The following FLII variants were observed in gnomAD, a reference collection of about 807,000 sequenced individuals.
FLII encodes protein flightless-1 homolog.
A neutral mutation model predicts 156.2 loss-of-function variants in FLII; 101 were observed. That is an observed-to-expected ratio of 0.65 (90% CI 0.55 to 0.76). FLII has a LOEUF of 0.76. Ranked by LOEUF, FLII falls within the 30% of genes least tolerant of loss-of-function variation. FLII has a pLI of 0.00. For synonymous variants in FLII, 767 were observed against 685.8 expected, an observed-to-expected ratio of 1.12 and a Z score of -1.85; for missense variants, 1,675 against 1,682.8, an observed-to-expected ratio of 1.00 and a Z score of 0.08.
rs1272662261 is a variant in FLII, at chr17:18,247,017, T to C, written c.2712A>G (p.Leu904=). 6.2e-7 allele frequency: 1 copy of C among 1,613,870 alleles called. No individual in the cohort carries two copies. Among genetic ancestry groups the C allele is most frequent in the African/African-American group, 1.3e-5 (1 of 75,022 alleles). The change falls in exon 22 of 30, where the codon CTA becomes CTG. Residue 904 remains leucine (L), a synonymous_variant. Transcript: ENST00000327031. ...EQLMEEWNED[L]DGMEGFVLEG... is the part of the protein sequence containing the mutation. ...CCAGCACGAAACCCTCCATGCCGTC[T>C]AGGTCTTCGTTCCACTCCTCCATCA...
intron 6 of FLII, 150 bp downstream of exon 6, chr17:18,254,371 A>G (rs2048354966): frequency 3.6e-6 from 3 of 844,298 alleles, no homozygotes; most frequent in Non-Finnish European, 5.4e-6. Context: ...GGTGGACATG[A>G]TACTTAGGAG....
Position 18,245,846 on chromosome 17 carries a change from A to G in FLII, c.3401T>C (p.Ile1134Thr), listed in dbSNP as rs763092660. The G allele has an allele frequency of 6.2e-7, 1 of 1,613,706 alleles. No individual in the cohort carries two copies. The highest frequency in any genetic ancestry group is 8.5e-7 in the Non-Finnish European group (1 of 1,179,910). ...GTTCTCAGGCTCCTCACCTTCGTTG[A>G]TAACCTGCGGGAAAGGCCAGTCCAG... The part of the protein sequence containing the change: ...MFDTSYSKQV[I>T]NEGEEPENFF... The change falls in exon 27 of 30, where the codon ATC becomes ACC. Residue 1134 changes from isoleucine to threonine, a missense_variant. Transcript: ENST00000327031.
chr17:18,248,747 G>A (rs760752099), intron 17 of FLII, 26 bp from the exon 18 acceptor site: 7 of 1,614,006 alleles, frequency 4.3e-6, no homozygotes, highest in Non-Finnish European at 5.9e-6. Flanking sequence ...AAAGTCATCA[G>A]CGAGGCTCAC....
At chr17:18,253,885 G>C in intron 7 of FLII, 166 bp from the exon 8 acceptor site, 2 of 805,516 alleles carry the variant, frequency 2.5e-6, no homozygotes, top group Non-Finnish European at 1.9e-6. Context: ...CCTCACATGG[G>C]GGTTGCGGGG....
At chr17:18,255,000 G>A in intron 4 of FLII, 146 bp from the exon 5 acceptor site, 4 of 948,488 alleles carry the variant, frequency 4.2e-6, no homozygotes, top group Non-Finnish European at 6.9e-6. Flanking sequence ...AGGGACTTGG[G>A]AGGAAGAGTG....
Position 18,248,849 on chromosome 17 carries a change from A to C in FLII, c.1969T>G (p.Tyr657Asp), listed in dbSNP as rs964066307. The change falls in exon 17 of 30, where the codon TAC becomes GAC. Residue 657 changes from tyrosine to aspartate, a missense_variant. Coordinates refer to ENST00000327031, the MANE Select transcript of FLII (RefSeq NM_002018.4). ...VFLLDRGLDI[Y>D]VWRGAQATLS... Reference sequence around the variant, plus strand: ...GTGGCCTGGGCCCCCCGCCATACGTAGATGTCTAGCCCTCGGTCCAGCAGG... The same window carrying C: ...GTGGCCTGGGCCCCCCGCCATACGTCGATGTCTAGCCCTCGGTCCAGCAGG... The C allele has an allele frequency of 2.5e-6, 4 of 1,613,812 alleles. No individual in the cohort carries two copies. Among genetic ancestry groups the C allele is most frequent in the Non-Finnish European group, 2.5e-6 (3 of 1,179,942 alleles).
At position 18,246,045 on chromosome 17, in the gene FLII, C is replaced by G. The variant is rs771275856; in HGVS notation, c.3285G>C (p.Glu1095Asp). Residue 1095 changes from glutamate to aspartate, a missense_variant, in exon 26 of 30, where the codon GAG becomes GAC. Glu to Asp is a conservative substitution (Grantham distance 45). Coordinates refer to ENST00000327031, the MANE Select transcript of FLII (RefSeq NM_002018.4). ...AGGCATACACGATGCCCTGGTTGTC[C>G]TCACTCTCAAAGGGAACCTGGGGAG... ...CFILKVPFESEDNQGIVYAWV... is the reference protein window; with the variant it reads ...CFILKVPFESDDNQGIVYAWV... The G allele has an allele frequency of 6.2e-7, 1 of 1,614,144 alleles. No individual in the cohort carries two copies. Among genetic ancestry groups the G allele is most frequent in the Non-Finnish European group, 8.5e-7 (1 of 1,180,018 alleles).
In FLII at chr17:18,257,027, A is replaced by G. The variant is rs780515123; in HGVS notation, c.64-8T>C. 8 of 1,576,278 alleles carry G rather than the reference A, an allele frequency of 5.1e-6. No individual in the cohort carries two copies. Among genetic ancestry groups the G allele is most frequent in the Non-Finnish European group, 6.9e-6 (8 of 1,155,766 alleles). On this transcript the variant is annotated splice_region_variant and splice_polypyrimidine_tract_variant and intron_variant, in intron 1 of 29. Transcript: ENST00000327031. ...CTCAGGGAAGTAGCCGCCCTGGGGG[A>G]AGGATGTCAAGGTGAAGCACAGAGC...
At position 18,252,522 on chromosome 17, in the gene FLII, T is replaced by A. The variant is rs778402637; in HGVS notation, c.1048A>T (p.Asn350Tyr). The A allele has an allele frequency of 1.9e-6, 3 of 1,613,712 alleles. No homozygotes were observed. Among genetic ancestry groups the A allele is most frequent in the Admixed American group, 1.7e-5 (1 of 60,014 alleles). The change falls in exon 10 of 30, where the codon AAC (asparagine) becomes TAC (tyrosine). Residue 350 changes from asparagine (N) to tyrosine (Y), a missense_variant. Asn to Tyr is a moderately radical substitution (Grantham distance 143). This residue lies in a region of FLII where 1,332 missense variants were observed against 1,269.3 expected (regional missense o/e 1.05). Transcript: ENST00000327031. ...PKLRKLVLNKNHLVTLPEAIH... is the reference protein window; with the variant it reads ...PKLRKLVLNKYHLVTLPEAIH... ...GCTTCTGGGAGGGTCACCAGGTGGTTCTTGTTCAGGACAAGTTTCCTCAGC... is the reference window on the plus strand; with the variant it reads ...GCTTCTGGGAGGGTCACCAGGTGGTACTTGTTCAGGACAAGTTTCCTCAGC...
At position 18,247,123 on chromosome 17, in the gene FLII, G is replaced by GCC. The variant is rs765734701; in HGVS notation, c.2676+44_2676+45dup. The GCC allele has an allele frequency of 1.3e-3, 1,588 of 1,246,322 alleles. 2 individuals are homozygous for GCC. The highest frequency in any genetic ancestry group is 2.8e-3 in the South Asian group (174 of 61,640). 77.2% of individuals were successfully genotyped at this position (1,246,322 alleles called of 1,614,324 possible). ...TGCGCATAGGCCCCGCCCTCGGCCT[G>GCC]CCCCCCACCCCCCCCCCCGCGCCCC... On this transcript the variant is annotated intron_variant, in intron 21 of 29. Transcript: ENST00000327031.
In FLII at chr17:18,257,018, C is replaced by T; in HGVS notation, c.65G>A (p.Gly22Asp). The change falls in exon 2 of 30, where the codon GGC (glycine) becomes GAC (aspartate). Residue 22 changes from glycine to aspartate, a missense_variant and splice_region_variant. Physicochemically the swap from Gly to Asp is moderately conservative, Grantham distance 94 (BLOSUM62 -1). Around this residue, in one of 2 missense-constraint regions of FLII, gnomAD observed 343 missense variants for 413.5 expected, o/e 0.83. Coordinates refer to ENST00000327031, the MANE Select transcript of FLII (RefSeq NM_002018.4). Reference protein sequence around the residue: ...GVDLSGNDFKGGYFPENVKAM... With the variant: ...GVDLSGNDFKDGYFPENVKAM... ...CTTGACATTCTCAGGGAAGTAGCCG[C>T]CCTGGGGGAAGGATGTCAAGGTGAA... The T allele has an allele frequency of 6.3e-7, 1 of 1,598,884 alleles. No individual in the cohort carries two copies. The highest frequency in any genetic ancestry group is 8.5e-7 in the Non-Finnish European group (1 of 1,171,910).
In FLII at chr17:18,248,543, G is replaced by C. The variant is rs1298513514; in HGVS notation, c.2190+7C>G. 3.1e-6 allele frequency: 5 copies of C among 1,598,634 alleles called. No individual in the cohort carries two copies. The highest frequency in any genetic ancestry group is 4.3e-6 in the Non-Finnish European group (5 of 1,170,918). On this transcript the variant is annotated splice_region_variant and intron_variant, in intron 18 of 29. Coordinates refer to ENST00000327031, the MANE Select transcript of FLII (RefSeq NM_002018.4). ...AGGCCAAGGTGGGCCTCAGCAGCAGGGCTCACCTTGTACAGCTTGGGCTGC... is the reference window on the plus strand; with the variant it reads ...AGGCCAAGGTGGGCCTCAGCAGCAGCGCTCACCTTGTACAGCTTGGGCTGC...
At chr17:18,253,957 A>T in intron 7 of FLII, 122 bp downstream of exon 7, 2 of 822,044 alleles carry the variant, frequency 2.4e-6, no homozygotes, top group Non-Finnish European at 3.8e-6. Context: ...TCACTGTAAC[A>T]TAACTCCAGC....
In FLII at chr17:18,246,559, G is replaced by C. The variant is rs375385173; in HGVS notation, c.3051+35C>G. ...GGTCTGAGCCCCACCACACCCCTCC[G>C]CCTGGCCTCGGGCTCGCGGGGCTGC... On this transcript the variant is annotated intron_variant, in intron 23 of 29. Transcript: ENST00000327031. The C allele has an allele frequency of 2.5e-6, 4 of 1,611,868 alleles. No homozygotes were observed. In the African/African-American group the frequency reaches 5.3e-5, roughly 22 times the overall value.
chr17:18,245,331 G>A (rs569997820), intron 29 of FLII, 23 bp downstream of exon 29: 26 of 1,614,090 alleles, frequency 1.6e-5, no homozygotes, highest in South Asian at 4.4e-5. Flanking sequence ...GGCCCACCTC[G>A]GCCCTCCCTC....
chr17:18,248,948 G>C, intron 16 of FLII, 65 bp from the exon 17 acceptor site: 2 of 1,478,468 alleles, frequency 1.4e-6, no homozygotes, highest in Non-Finnish European at 1.9e-6. Context: ...CCATGCTCCT[G>C]ACCCCACCAA....
chr17:18,251,709 C>T lies in FLII; in HGVS notation c.1354G>A (p.Val452Ile). ...TGCTTTTTGTTCTTCTCCTGGGCAA[C>T]ATCTGACATGCCCTTCAGCACCTGC... ...AKQVLKGMSD[V>I]AQEKNKKQEE... The change falls in exon 12 of 30, where the codon GTT becomes ATT. Residue 452 changes from valine (V) to isoleucine (I), a missense_variant. Physicochemically the swap from Val to Ile is conservative, Grantham distance 29. This residue lies in a region of FLII where 1,332 missense variants were observed against 1,269.3 expected (regional missense o/e 1.05). Transcript: ENST00000327031. The T allele has an allele frequency of 6.2e-7, 1 of 1,614,068 alleles. No individual in the cohort carries two copies. Among genetic ancestry groups the T allele is most frequent in the South Asian group, 1.1e-5 (1 of 91,092 alleles).
intron 12 of FLII, 73 bp from the exon 13 acceptor site, chr17:18,251,550 C>A: frequency 2.6e-6 from 4 of 1,565,306 alleles, no homozygotes; most frequent in Non-Finnish European, 3.5e-6. Flanking sequence ...GCTACCCACA[C>A]CTCAGGGCCT....
At chr17:18,252,604 G>A in intron 9 of FLII, 48 bp from the exon 10 acceptor site, 2 of 1,510,576 alleles carry the variant, frequency 1.3e-6, no homozygotes, top group Non-Finnish European at 1.8e-6. Context: ...ACAGACAAGG[G>A]GAAGTGGGCA....
Sources: gnomAD v4.1 joint callset for allele counts on GRCh38, gnomAD v4.1.1 for gene constraint, gnomAD v4.1.1 regional missense constraint, MANE v1.5 for transcripts, NCBI Gene and HGNC (gene_info 2026-07-23, HGNC 2026-07-21) for gene names.